Variants in ARB2A observed in about 807,000 individuals in gnomAD.
The protein encoded by ARB2A is cotranscriptional regulator ARB2A.
chr5:93,751,417 C>T, the ARB2A span, among the ~76,000 whole-genome samples: 1 of 152,088 alleles, frequency 6.6e-6, no homozygotes, highest in South Asian at 2.1e-4. Context: ...ACTTAGACAT[C>T]AAATATCAGT....
chr5:94,087,699 G>C, the ARB2A span, among the ~76,000 whole-genome samples: 1 of 152,162 alleles, frequency 6.6e-6, no homozygotes, highest in Non-Finnish European at 1.5e-5. Context: ...GCTCCATTAA[G>C]TGGTCTATAA....
the ARB2A span, among the ~76,000 whole-genome samples, chr5:93,774,899 G>C: frequency 6.6e-6 from 1 of 152,118 alleles, no homozygotes; most frequent in South Asian, 2.1e-4. Context: ...ACCTGGCCTT[G>C]TATTTCATCT....
At chr5:94,066,523 C>A in the ARB2A span, among the ~76,000 whole-genome samples, 2 of 149,638 alleles carry the variant, frequency 1.3e-5, no homozygotes, top group Non-Finnish European at 3.0e-5. Flanking sequence ...AATACAATTA[C>A]CACAGTAATA....
At chr5:93,946,430 T>TA in the ARB2A span, among the ~76,000 whole-genome samples, 1 of 152,088 alleles carries the variant, frequency 6.6e-6, no homozygotes, top group Non-Finnish European at 1.5e-5. Flanking sequence ...TAAAAATACA[T>TA]AAAAAATTAG....
the ARB2A span, among the ~76,000 whole-genome samples, chr5:93,660,387 G>T: frequency 1.3e-5 from 2 of 152,242 alleles, no homozygotes; most frequent in Admixed American, 1.3e-4. Flanking sequence ...AAGAAGAAAT[G>T]ATTGCTGAGG....
chr5:94,004,893 T>C, the ARB2A span, among the ~76,000 whole-genome samples: 2 of 150,310 alleles, frequency 1.3e-5, no homozygotes, highest in African/African-American at 4.9e-5. Flanking sequence ...CTAATAAACA[T>C]ATTTTCTTCT....
chr5:94,106,007 T>A, the ARB2A span, among the ~76,000 whole-genome samples: 1 of 152,090 alleles, frequency 6.6e-6, no homozygotes, highest in Non-Finnish European at 1.5e-5. Context: ...GACTTACATG[T>A]AAAGCCTTAA....
At chr5:93,977,401 A>G in the ARB2A span, among the ~76,000 whole-genome samples, 2 of 152,314 alleles carry the variant, frequency 1.3e-5, no homozygotes, top group South Asian at 2.1e-4. Context: ...ACAGCATGGT[A>G]CTGGTACAAA....
chr5:93,804,312 C>T, the ARB2A span, among the ~76,000 whole-genome samples: 1 of 151,888 alleles, frequency 6.6e-6, no homozygotes, highest in Non-Finnish European at 1.5e-5. Context: ...GTATATTCAT[C>T]TGAGTATCTA....
the ARB2A span, among the ~76,000 whole-genome samples, chr5:93,704,542 T>A: frequency 6.6e-6 from 1 of 152,172 alleles, no homozygotes; most frequent in Non-Finnish European, 1.5e-5. Flanking sequence ...CCAAACTGGG[T>A]GACAGAGCGA....
the ARB2A span, among the ~76,000 whole-genome samples, chr5:93,755,194 G>A: frequency 6.6e-6 from 1 of 152,028 alleles, no homozygotes; most frequent in Non-Finnish European, 1.5e-5. Context: ...ATTTATACAA[G>A]ATAAGTGAGG....
At chr5:94,054,433 G>A in the ARB2A span, among the ~76,000 whole-genome samples, 14 of 151,918 alleles carry the variant, frequency 9.2e-5, no homozygotes, top group Non-Finnish European at 1.9e-4. Flanking sequence ...CCTCAATTTG[G>A]GTTCGTCTAA....
chr5:93,976,322 G>A, the ARB2A span, among the ~76,000 whole-genome samples: 3 of 151,990 alleles, frequency 2.0e-5, no homozygotes, highest in Non-Finnish European at 4.4e-5. Context: ...TACCGTACAG[G>A]CAAAAGTTAG....
At chr5:93,817,284 A>G in the ARB2A span, among the ~76,000 whole-genome samples, 1 of 152,208 alleles carries the variant, frequency 6.6e-6, no homozygotes, top group African/African-American at 2.4e-5. Context: ...TAAGAGGAGA[A>G]GCTTAAGACT....
At chr5:93,632,995 C>A in the ARB2A span, among the ~76,000 whole-genome samples, 2 of 152,126 alleles carry the variant, frequency 1.3e-5, no homozygotes, top group South Asian at 2.1e-4. Flanking sequence ...TCATAATATT[C>A]CATTTCTGCA....
the ARB2A span, among the ~76,000 whole-genome samples, chr5:93,917,219 C>G: frequency 6.6e-6 from 1 of 152,136 alleles, no homozygotes; most frequent in Non-Finnish European, 1.5e-5. Context: ...CTACTGAATT[C>G]CCCACTAATA....
chr5:93,858,146 T>C, the ARB2A span, among the ~76,000 whole-genome samples: 1 of 152,178 alleles, frequency 6.6e-6, no homozygotes, highest in East Asian at 1.9e-4. Context: ...ATGTGCGTAA[T>C]TGCTCCAGCA....
chr5:93,801,437 GAAGA>G, the ARB2A span, among the ~76,000 whole-genome samples: 1 of 152,040 alleles, frequency 6.6e-6, no homozygotes, highest in African/African-American at 2.4e-5. Flanking sequence ...TTCATTTCCT[GAAGA>G]AAGATGCAAC....
chr5:93,647,720 T>G, the ARB2A span, among the ~76,000 whole-genome samples: 1 of 152,120 alleles, frequency 6.6e-6, no homozygotes, highest in Non-Finnish European at 1.5e-5. Flanking sequence ...GATGGGGTTT[T>G]GCCATGTTGG....
Sources: gnomAD v4.1 joint callset for allele counts (sites outside exome capture counted in the v4.1 genomes callset) on GRCh38, gnomAD v4.1.1 for gene constraint, MANE v1.5 for transcripts, NCBI Gene and HGNC (gene_info 2026-07-23, HGNC 2026-07-21) for gene names.